The following ATAD2B variants were observed in gnomAD, a reference collection of about 807,000 sequenced individuals.
ATAD2B encodes the protein ATPase family AAA domain-containing protein 2B.
ATAD2B carries 40 observed loss-of-function variants against 167.6 expected under a neutral mutation model. The observed-to-expected ratio is 0.24, with a 90% CI of 0.19 to 0.31. The LOEUF (loss-of-function observed/expected upper bound fraction) is 0.31. ATAD2B is among the 10% of genes least tolerant of loss of function. The pLI, the probability that ATAD2B is intolerant of heterozygous loss-of-function variation, is 1.00. For synonymous variants in ATAD2B, 579 were observed against 596.5 expected (o/e 0.97, Z 0.43); for missense variants, 1,242 against 1,757.2 (o/e 0.71, Z 5.24).
the ATAD2B span, among the ~76,000 whole-genome samples, chr2:23,704,724 G>A: frequency 3.9e-5 from 6 of 152,048 alleles, no homozygotes; most frequent in Admixed American, 3.3e-4. Flanking sequence ...CCGAGATCGC[G>A]CCACGGCACT....
At chr2:23,758,231 T>C (rs1001302463) in intron 24 of ATAD2B, 130 bp from the exon 25 acceptor site, 1 of 679,686 alleles carries the variant, frequency 1.5e-6, no homozygotes. Context: ...TACTTAGCTC[T>C]TGACATTCAT....
intron 22 of ATAD2B, among the ~76,000 whole-genome samples, chr2:23,777,464 T>C (rs1332337135): frequency 6.6e-6 from 1 of 152,148 alleles, no homozygotes; most frequent in Non-Finnish European, 1.5e-5. Flanking sequence ...TAGCAGATAG[T>C]ACTCATAAAC....
At chr2:23,681,948 C>T in the ATAD2B span, among the ~76,000 whole-genome samples, 1 of 152,146 alleles carries the variant, frequency 6.6e-6, no homozygotes, top group Non-Finnish European at 1.5e-5. This position sits in a 1 kb window ranked among gnomAD's most constrained non-coding sequence, Gnocchi z 4.2. Flanking sequence ...GCAGGCGCCG[C>T]TGGGCTCTCT....
chr2:23,911,287 G>A (rs1216184526), intron 1 of ATAD2B, among the ~76,000 whole-genome samples: 2 of 152,022 alleles, frequency 1.3e-5, no homozygotes, highest in African/African-American at 4.8e-5. Flanking sequence ...AGGCACAGTG[G>A]CTTACACCTG....
At chr2:23,763,652 T>C (rs1254068207) in intron 23 of ATAD2B, among the ~76,000 whole-genome samples, 2 of 152,182 alleles carry the variant, frequency 1.3e-5, no homozygotes, top group Non-Finnish European at 2.9e-5. Context: ...TGCAGTGGCA[T>C]GAACATGGCT....
intron 14 of ATAD2B, among the ~76,000 whole-genome samples, chr2:23,831,331 A>T (rs1389455394): frequency 6.6e-6 from 1 of 151,430 alleles, no homozygotes; most frequent in African/African-American, 2.4e-5. Flanking sequence ...GTACTATTTT[A>T]TGCAAATAGT....
the ATAD2B span, among the ~76,000 whole-genome samples, chr2:23,678,268 C>T: frequency 6.6e-6 from 1 of 152,224 alleles, no homozygotes; most frequent in East Asian, 1.9e-4. Flanking sequence ...CCACTTGCCG[C>T]TGCATCCACA....
intron 6 of ATAD2B, chr2:23,883,761 C>T (rs778335030): frequency 5.5e-5 from 19 of 348,316 alleles, no homozygotes; most frequent in East Asian, 9.4e-5. Context: ...CTAAACTACA[C>T]AAATAATGGG....
At chr2:23,810,986 G>C (rs1189364263) in intron 17 of ATAD2B, among the ~76,000 whole-genome samples, 1 of 151,878 alleles carries the variant, frequency 6.6e-6, no homozygotes, top group Non-Finnish European at 1.5e-5. Flanking sequence ...ACTCCAGCCT[G>C]GGCAACAAGA....
chr2:23,688,861 A>T, the ATAD2B span: 1 of 152,326 alleles, frequency 6.6e-6, no homozygotes. Flanking sequence ...TGGGGCAGGG[A>T]CAGAACAGCC....
the ATAD2B span, among the ~76,000 whole-genome samples, chr2:23,726,232 C>A: frequency 6.6e-6 from 1 of 152,060 alleles, no homozygotes; most frequent in Admixed American, 6.6e-5. Context: ...TACAGCTGAC[C>A]CTTCCACAAC....
chr2:23,851,010 C>T (rs1692477249), intron 13 of ATAD2B, among the ~76,000 whole-genome samples: 1 of 152,164 alleles, frequency 6.6e-6, no homozygotes, highest in South Asian at 2.1e-4. Context: ...CATTTAAGGA[C>T]ACAAGAGAAG....
intron 1 of ATAD2B, among the ~76,000 whole-genome samples, chr2:23,897,541 T>C (rs1700294418): frequency 6.6e-6 from 1 of 152,224 alleles, no homozygotes; most frequent in African/African-American, 2.4e-5. Context: ...ACAGAGAGCT[T>C]AACCTGTCCC....
intron 13 of ATAD2B, among the ~76,000 whole-genome samples, chr2:23,835,093 C>A (rs534746099): frequency 6.6e-6 from 1 of 152,178 alleles, no homozygotes; most frequent in South Asian, 2.1e-4. Flanking sequence ...AACACTCATA[C>A]ACTGACTGAT....
the ATAD2B span, chr2:23,696,569 T>C: frequency 7.4e-7 from 1 of 1,349,300 alleles, no homozygotes; most frequent in Non-Finnish European, 1.0e-6. This position sits in a 1 kb window ranked among gnomAD's most constrained non-coding sequence, Gnocchi z 5.5. Flanking sequence ...AGAACTGAAA[T>C]CACGTCACTC....
chr2:23,809,227 C>A (rs1685156252), intron 18 of ATAD2B: 1 of 152,062 alleles, frequency 6.6e-6, no homozygotes, highest in African/African-American at 2.4e-5. Context: ...TTGGAAAACA[C>A]ACCCAGGATG....
At chr2:23,836,927 T>G (rs1438074159) in intron 13 of ATAD2B, among the ~76,000 whole-genome samples, 1 of 152,026 alleles carries the variant, frequency 6.6e-6, no homozygotes, top group Non-Finnish European at 1.5e-5. Context: ...AAGTTCCCAC[T>G]CCAGTCTGTG....
downstream of ATAD2B, among the ~76,000 whole-genome samples, chr2:23,746,857 A>C (rs1258803337): frequency 6.6e-6 from 1 of 152,176 alleles, no homozygotes; most frequent in Non-Finnish European, 1.5e-5. Flanking sequence ...GTGCTTTAAG[A>C]GCTTTTAAGA....
intron 27 of ATAD2B, among the ~76,000 whole-genome samples, chr2:23,753,365 C>T (rs1448508880): frequency 6.6e-6 from 1 of 152,054 alleles, no homozygotes; most frequent in Non-Finnish European, 1.5e-5. Context: ...ATTCCAAACA[C>T]CCAGCACAGC....
Sources: gnomAD v4.1 joint callset for allele counts (sites outside exome capture counted in the v4.1 genomes callset) on GRCh38, gnomAD v4.1.1 for gene constraint, Gnocchi (gnomAD v3.1) non-coding constraint, MANE v1.5 for transcripts, NCBI Gene and HGNC (gene_info 2026-07-23, HGNC 2026-07-21) for gene names.